GABBR2: variants seen among roughly 807,000 people sequenced by gnomAD.
GABBR2 encodes the protein gamma-aminobutyric acid type B receptor subunit 2, also known as G-protein coupled receptor 51.
In GABBR2, 23 loss-of-function variants were observed where a neutral mutation model predicts 105.6. The ratio of observed to expected loss-of-function variants is 0.22; its 90% CI spans 0.16 to 0.31. GABBR2 has a LOEUF of 0.31. Ranked by LOEUF, GABBR2 falls within the 10% of genes least tolerant of loss-of-function variation. The pLI is 1.00. For synonymous variants in GABBR2, 478 were observed against 499.7 expected (o/e 0.96, Z 0.58); for missense variants, 734 against 1,245.5 (o/e 0.59, Z 6.18).
intron 3 of GABBR2, among the ~76,000 whole-genome samples, chr9:98,521,334 G>T (rs1369740472): frequency 6.6e-6 from 1 of 152,182 alleles, no homozygotes; most frequent in Non-Finnish European, 1.5e-5. Context: ...GAGGGTGGAT[G>T]TGCTGACGAG....
intron 4 of GABBR2, among the ~76,000 whole-genome samples, chr9:98,487,871 A>G (rs1213422213): frequency 6.6e-6 from 1 of 152,162 alleles, no homozygotes; most frequent in African/African-American, 2.4e-5. Context: ...CACATTCCAG[A>G]TGGAATTAAG....
intron 2 of GABBR2, among the ~76,000 whole-genome samples, chr9:98,554,928 T>C (rs541081118): frequency 6.6e-6 from 1 of 152,280 alleles, no homozygotes; most frequent in South Asian, 2.1e-4. Flanking sequence ...GGGTTTCAGT[T>C]TGGACAGGCT....
At chr9:98,318,915 T>TTGG (rs1830770929) in intron 13 of GABBR2, among the ~76,000 whole-genome samples, 1 of 133,748 alleles carries the variant, frequency 7.5e-6, no homozygotes, top group African/African-American at 2.7e-5. Flanking sequence ...GTGTGTGTGT[T>TTGG]GGGGGTGTGT....
intron 1 of GABBR2, among the ~76,000 whole-genome samples, chr9:98,598,391 G>C (rs79011400): frequency 0.011 from 1,656 of 152,212 alleles, 27 homozygotes; most frequent in African/African-American, 0.038. Flanking sequence ...GAAACAGGGT[G>C]AACACAAAAC....
intron 4 of GABBR2, among the ~76,000 whole-genome samples, chr9:98,487,455 T>C (rs1435588933): frequency 6.6e-6 from 1 of 152,114 alleles, no homozygotes; most frequent in East Asian, 1.9e-4. Context: ...CCTACCTTTG[T>C]AGTTGTCTTA....
chr9:98,605,362 C>T (rs1197114196), intron 1 of GABBR2, among the ~76,000 whole-genome samples: 1 of 152,214 alleles, frequency 6.6e-6, no homozygotes, highest in Non-Finnish European at 1.5e-5. Flanking sequence ...TGCCATTCCC[C>T]AGGACGGTAC....
intron 1 of GABBR2, among the ~76,000 whole-genome samples, chr9:98,598,765 C>T (rs1368129216): frequency 8.5e-5 from 13 of 152,104 alleles, no homozygotes; most frequent in East Asian, 1.9e-4. Context: ...CCTAAAAGCT[C>T]ATCCAGCGAG....
chr9:98,333,532 C>T (rs942810909), intron 13 of GABBR2, among the ~76,000 whole-genome samples: 3 of 152,108 alleles, frequency 2.0e-5, no homozygotes, highest in Non-Finnish European at 4.4e-5. Flanking sequence ...CCTCCATCTC[C>T]GCATGGCCTT....
At chr9:98,604,615 A>G (rs1227729230) in intron 1 of GABBR2, among the ~76,000 whole-genome samples, 1 of 152,198 alleles carries the variant, frequency 6.6e-6, no homozygotes, top group African/African-American at 2.4e-5. Flanking sequence ...TTACATATGC[A>G]TTTGTTTTTA....
chr9:98,575,453 G>T (rs1828894396), intron 2 of GABBR2, among the ~76,000 whole-genome samples: 1 of 152,194 alleles, frequency 6.6e-6, no homozygotes, highest in Admixed American at 6.5e-5. Context: ...CACTTAGTTA[G>T]CACTAACTGT....
intron 1 of GABBR2, among the ~76,000 whole-genome samples, chr9:98,625,029 G>C (rs1459901114): frequency 6.6e-6 from 1 of 152,194 alleles, no homozygotes; most frequent in East Asian, 1.9e-4. Context: ...CAGAGGCTTT[G>C]CTGGCCACCT....
chr9:98,611,608 A>C (rs1019309129), intron 1 of GABBR2, among the ~76,000 whole-genome samples: 1 of 152,212 alleles, frequency 6.6e-6, no homozygotes, highest in Admixed American at 6.5e-5. Context: ...ATGAGCTGGC[A>C]AGGAAGAGAT....
chr9:98,573,014 A>C (rs535538117), intron 2 of GABBR2, among the ~76,000 whole-genome samples: 89 of 152,286 alleles, frequency 5.8e-4, no homozygotes, highest in Middle Eastern at 3.4e-3. Context: ...GTGGAGGCTG[A>C]GATTCTGCAT....
chr9:98,639,056 A>G (rs1221927554), intron 1 of GABBR2, among the ~76,000 whole-genome samples: 4 of 152,198 alleles, frequency 2.6e-5, no homozygotes, highest in Non-Finnish European at 5.9e-5. Flanking sequence ...TTGGGCCACA[A>G]GAAATAGCAG....
rs1296419100 is a variant in GABBR2 at position 98,542,557 on chromosome 9, G to A, written c.460-514C>T. 2.0e-5 allele frequency among the ~76,000 whole-genome samples: 3 copies of A among 152,056 alleles called. No homozygotes were observed. In the East Asian group the frequency reaches 5.8e-4, roughly 29 times the overall value. On this transcript the variant is annotated intron_variant, in intron 2 of 18. Coordinates refer to ENST00000259455, the MANE Select transcript of GABBR2 (RefSeq NM_005458.8). Reference sequence around the variant, plus strand: ...ATCATATTATTCTACAGGCATCTTTGTACATAGCATTTTTGTTTTATATTT... The same window carrying A: ...ATCATATTATTCTACAGGCATCTTTATACATAGCATTTTTGTTTTATATTT...
chr9:98,580,524 A>G (rs1828985955), intron 1 of GABBR2, among the ~76,000 whole-genome samples: 1 of 152,244 alleles, frequency 6.6e-6, no homozygotes, highest in South Asian at 2.1e-4. Flanking sequence ...GCGAAGGCTC[A>G]CGCCCGTAAT....
chr9:98,422,127 G>T (rs752036264), intron 7 of GABBR2, among the ~76,000 whole-genome samples: 25 of 151,340 alleles, frequency 1.7e-4, no homozygotes, highest in Non-Finnish European at 3.4e-4. Context: ...TATAAAGACA[G>T]CAACCCCAAC....
intron 3 of GABBR2, among the ~76,000 whole-genome samples, chr9:98,505,454 GTGTGCA>G (rs1364256226): frequency 6.9e-6 from 1 of 145,298 alleles, no homozygotes; most frequent in Non-Finnish European, 1.5e-5. Context: ...GTGTGTGTGT[GTGTGCA>G]TGTGCGTGTG....
At chr9:98,490,971 T>C (rs1827163939) in intron 4 of GABBR2, among the ~76,000 whole-genome samples, 1 of 151,562 alleles carries the variant, frequency 6.6e-6, no homozygotes, top group Non-Finnish European at 1.5e-5. Context: ...ATTAATTTCA[T>C]TATTCCGTTC....
Sources: gnomAD v4.1 joint callset for allele counts (sites outside exome capture counted in the v4.1 genomes callset) on GRCh38, gnomAD v4.1.1 for gene constraint, MANE v1.5 for transcripts, NCBI Gene and HGNC (gene_info 2026-07-23, HGNC 2026-07-21) for gene names.